The following SLCO5A1 variants were observed in gnomAD, a reference collection of about 807,000 sequenced individuals.
SLCO5A1 encodes the protein solute carrier organic anion transporter family member 5A1, also known as organic anion transporter polypeptide-related protein 4.
Under a neutral mutation model 65.1 loss-of-function variants are expected in SLCO5A1, and 39 were observed. The observed-to-expected ratio is 0.60, with a 90% CI of 0.46 to 0.78. The LOEUF (loss-of-function observed/expected upper bound fraction) is 0.78. Among genes scored for constraint, SLCO5A1 ranks in the 30% least tolerant of loss-of-function variants. The probability of loss-of-function intolerance (pLI) is 0.00; values close to 1 mark genes in which losing one functional copy is unlikely to be tolerated. For synonymous variants in SLCO5A1, 438 were observed against 415.7 expected, an observed-to-expected ratio of 1.05 and a Z score of -0.65; for missense variants, 1,029 against 1,069.4, an observed-to-expected ratio of 0.96 and a Z score of 0.53.
chr8:69,688,028 G>C (rs1814075495), intron 6 of SLCO5A1, among the ~76,000 whole-genome samples: 4 of 151,910 alleles, frequency 2.6e-5, no homozygotes. Flanking sequence ...ATGTTGATTT[G>C]TTTAGATCTT....
At chr8:69,687,602 A>G (rs1264280271) in intron 6 of SLCO5A1, among the ~76,000 whole-genome samples, 2 of 152,190 alleles carry the variant, frequency 1.3e-5, no homozygotes, top group African/African-American at 2.4e-5. Flanking sequence ...TACTCATTGT[A>G]GAAATTTTTT....
At chr8:69,827,545 A>G (rs1272407702) in intron 2 of SLCO5A1, among the ~76,000 whole-genome samples, 1 of 152,146 alleles carries the variant, frequency 6.6e-6, no homozygotes, top group Non-Finnish European at 1.5e-5. Context: ...TTCCATTTCA[A>G]TGGTTTTTAC....
At chr8:69,762,407 C>T (rs1283055105) in intron 2 of SLCO5A1, among the ~76,000 whole-genome samples, 1 of 151,942 alleles carries the variant, frequency 6.6e-6, no homozygotes, top group Non-Finnish European at 1.5e-5. Flanking sequence ...AGGATGGTCT[C>T]GATCTCCTGA....
intron 5 of SLCO5A1, among the ~76,000 whole-genome samples, chr8:69,721,487 C>G (rs973722873): frequency 2.0e-5 from 3 of 152,156 alleles, no homozygotes; most frequent in Admixed American, 1.3e-4. Context: ...CTAATTAATG[C>G]CAGAGCAAGG....
intron 2 of SLCO5A1, among the ~76,000 whole-genome samples, chr8:69,799,426 T>C (rs28492729): frequency 0.014 from 2,149 of 152,280 alleles, 40 homozygotes; most frequent in African/African-American, 0.049. Flanking sequence ...AATATGCAAC[T>C]AACAAAAACT....
At chr8:69,688,614 T>C (rs1439428576) in intron 6 of SLCO5A1, among the ~76,000 whole-genome samples, 6 of 151,992 alleles carry the variant, frequency 3.9e-5, no homozygotes, top group African/African-American at 1.5e-4. Flanking sequence ...TGCGATAGTT[T>C]ACTGAGAATG....
chr8:69,734,538 A>G (rs939646080), intron 5 of SLCO5A1, among the ~76,000 whole-genome samples: 1 of 152,200 alleles, frequency 6.6e-6, no homozygotes, highest in Non-Finnish European at 1.5e-5. Context: ...TGTGTAAGCA[A>G]CTTAAGGCCC....
intron 2 of SLCO5A1, among the ~76,000 whole-genome samples, chr8:69,767,573 G>C (rs1217076646): frequency 6.6e-6 from 1 of 152,168 alleles, no homozygotes; most frequent in African/African-American, 2.4e-5. Flanking sequence ...CATGTGGAAT[G>C]CCTGGCACAC....
chr8:69,684,240 C>G (rs573740840), intron 6 of SLCO5A1, among the ~76,000 whole-genome samples: 37 of 152,284 alleles, frequency 2.4e-4, no homozygotes, highest in Non-Finnish European at 4.7e-4. Flanking sequence ...TTTGCCCCCC[C>G]AGGGGACCTT....
Position 69,726,500 on chromosome 8 carries a change from T to C in SLCO5A1, c.1423+11540A>G, listed in dbSNP as rs1253791765. Among the ~76,000 whole-genome samples, 37 of 147,402 alleles carry C rather than the reference T, an allele frequency of 2.5e-4. 1 individual carries two copies. The highest frequency in any genetic ancestry group is 3.6e-4 in the African/African-American group (14 of 38,564). ...TCTCTTTCATTTTCCTACCTCCTTT[T>C]TTTTTTTTTTTTTTGGGGGGACAGA... On this transcript the variant is annotated intron_variant, in intron 5 of 9. Coordinates refer to ENST00000260126, the MANE Select transcript of SLCO5A1 (RefSeq NM_030958.3).
At chr8:69,820,268 C>T (rs1275928220) in intron 2 of SLCO5A1, among the ~76,000 whole-genome samples, 1 of 152,198 alleles carries the variant, frequency 6.6e-6, no homozygotes, top group Non-Finnish European at 1.5e-5. Flanking sequence ...CAGCAGTTGT[C>T]ACTAAGAACA....
intron 4 of SLCO5A1, among the ~76,000 whole-genome samples, chr8:69,749,134 T>A (rs1483386163): frequency 6.6e-6 from 1 of 152,196 alleles, no homozygotes; most frequent in African/African-American, 2.4e-5. Flanking sequence ...ATTCATACTA[T>A]ACTTGTTCCA....
intron 5 of SLCO5A1, among the ~76,000 whole-genome samples, chr8:69,725,215 A>G (rs971575541): frequency 1.3e-5 from 2 of 152,062 alleles, no homozygotes; most frequent in Non-Finnish European, 2.9e-5. Context: ...TGAACCCAGA[A>G]CTTCCGATGC....
At chr8:69,821,792 T>G (rs1259516061) in intron 2 of SLCO5A1, among the ~76,000 whole-genome samples, 2 of 130,734 alleles carry the variant, frequency 1.5e-5, no homozygotes, top group Admixed American at 8.1e-5. Flanking sequence ...GGCAACAGAG[T>G]GAGACTTTGT....
At chr8:69,782,968 A>G (rs1818862538) in intron 2 of SLCO5A1, among the ~76,000 whole-genome samples, 1 of 152,150 alleles carries the variant, frequency 6.6e-6, no homozygotes, top group South Asian at 2.1e-4. Context: ...ATCCTAGACA[A>G]GTTACTTAAT....
chr8:69,748,210 G>C (rs541857460), intron 4 of SLCO5A1, among the ~76,000 whole-genome samples: 13 of 152,124 alleles, frequency 8.5e-5, no homozygotes, highest in Non-Finnish European at 1.5e-4. Context: ...CTACGACAAG[G>C]GGGTACACAT....
At chr8:69,810,713 A>C (rs1368820114) in intron 2 of SLCO5A1, among the ~76,000 whole-genome samples, 1 of 152,238 alleles carries the variant, frequency 6.6e-6, no homozygotes, top group East Asian at 1.9e-4. Context: ...CAGTTAGAGA[A>C]GGAAGAACAA....
intron 2 of SLCO5A1, among the ~76,000 whole-genome samples, chr8:69,830,116 G>A (rs1821097046): frequency 6.6e-6 from 1 of 152,190 alleles, no homozygotes; most frequent in Non-Finnish European, 1.5e-5. Flanking sequence ...TGCATGTAGT[G>A]ATAAAAATAA....
At chr8:69,708,560 CA>C (rs55950736) in intron 5 of SLCO5A1, among the ~76,000 whole-genome samples, 4,359 of 144,372 alleles carry the variant, frequency 0.03, 185 homozygotes, top group African/African-American at 0.1. Flanking sequence ...GACACTGTTT[CA>C]AAAAAAAAAA....
Sources: gnomAD v4.1 joint callset for allele counts (sites outside exome capture counted in the v4.1 genomes callset) on GRCh38, gnomAD v4.1.1 for gene constraint, MANE v1.5 for transcripts, NCBI Gene and HGNC (gene_info 2026-07-23, HGNC 2026-07-21) for gene names.